The following PATL1 variants were observed in gnomAD, a reference collection of about 807,000 sequenced individuals.
The protein encoded by PATL1 is protein PAT1 homolog 1.
Under a neutral mutation model 100.6 loss-of-function variants are expected in PATL1, and 32 were observed. The observed-to-expected ratio is 0.32, with a 90% CI of 0.24 to 0.43. The LOEUF (loss-of-function observed/expected upper bound fraction) is 0.43. Ranked by LOEUF, PATL1 falls within the 20% of genes least tolerant of loss-of-function variation. The pLI, the probability that PATL1 is intolerant of heterozygous loss-of-function variation, is 1.00. For synonymous variants in PATL1, 332 were observed against 330.0 expected (o/e 1.01, Z -0.07); for missense variants, 747 against 949.9 (o/e 0.79, Z 2.81).
chr11:59,668,193 G>C (rs1042654376), intron 1 of PATL1, among the ~76,000 whole-genome samples: 1 of 152,324 alleles, frequency 6.6e-6, no homozygotes, highest in African/African-American at 2.4e-5. Flanking sequence ...AATTCAGAAA[G>C]TTTACGTCCA....
At chr11:59,666,496 T>C (rs1012969784) in intron 2 of PATL1, among the ~76,000 whole-genome samples, 3 of 152,228 alleles carry the variant, frequency 2.0e-5, no homozygotes, top group African/African-American at 7.2e-5. Flanking sequence ...CCATAAGTTA[T>C]ATGTTATACA....
chr11:59,648,684 CTT>C (rs1861398925), intron 14 of PATL1, among the ~76,000 whole-genome samples: 2 of 152,112 alleles, frequency 1.3e-5, no homozygotes, highest in Admixed American at 1.3e-4. Context: ...CACTCAACAA[CTT>C]ATTTCCATGT....
intron 16 of PATL1, among the ~76,000 whole-genome samples, chr11:59,640,983 C>A (rs567322762): frequency 6.6e-6 from 1 of 151,856 alleles, no homozygotes; most frequent in South Asian, 2.1e-4. Flanking sequence ...ACCAGCCTGG[C>A]CAACATGGCA....
chr11:59,657,593 A>T lies in PATL1; in HGVS notation c.558T>A (p.Pro186=). 6.2e-7 allele frequency: 1 copy of T among 1,612,574 alleles called. No individual in the cohort carries two copies. ...RSTSPIIGSP[P]VRAVPIGTPP... ...GGGTGCCTATGGGGACAGCTCTAAC[A>T]GGAGGACTGCCAATGATAGGTGAAG... Residue 186 remains proline, a synonymous_variant, in exon 5 of 19, where the codon CCT becomes CCA. Coordinates refer to ENST00000300146, the MANE Select transcript of PATL1 (RefSeq NM_152716.3).
chr11:59,648,185 C>CTTTT (rs887689437), intron 14 of PATL1, among the ~76,000 whole-genome samples: 3 of 130,458 alleles, frequency 2.3e-5, no homozygotes, highest in African/African-American at 8.7e-5. Context: ...AACTTTTTTT[C>CTTTT]TTTTTTTTTT....
intron 15 of PATL1, among the ~76,000 whole-genome samples, chr11:59,646,896 C>T (rs1385094975): frequency 6.6e-6 from 1 of 151,952 alleles, no homozygotes; most frequent in Non-Finnish European, 1.5e-5. Flanking sequence ...AAATTCCAGC[C>T]TAGTCTAGAT....
At chr11:59,642,744 AC>A (rs1861304176) in intron 16 of PATL1, 135 bp downstream of exon 16, 1 of 904,804 alleles carries the variant, frequency 1.1e-6, no homozygotes, top group Admixed American at 2.7e-5. Flanking sequence ...CTAGCCGGTT[AC>A]TAGGAGCTTA....
chr11:59,662,542 T>C (rs1861640147), intron 2 of PATL1, among the ~76,000 whole-genome samples: 1 of 152,192 alleles, frequency 6.6e-6, no homozygotes, highest in African/African-American at 2.4e-5. Flanking sequence ...AGAAAATATT[T>C]AAAGAATAAT....
rs117447261 is a variant in PATL1, at chr11:59,660,556, A to G, written c.128-1087T>C. Among the ~76,000 whole-genome samples the G allele has an allele frequency of 3.3e-3, 502 of 152,322 alleles. 2 individuals carry two copies. Among genetic ancestry groups the G allele is most frequent in the Non-Finnish European group, 4.4e-3 (300 of 68,034 alleles). ...TCTGGGAGAAGAGGGTTCCAGGCAG[A>G]GGGACAGTCAGTATAAAGAAAGGCC... is the stretch of plus-strand genomic sequence containing the variant. On this transcript the variant is annotated intron_variant, in intron 2 of 18. Transcript: ENST00000300146.
chr11:59,651,231 C>T (rs1421782933), intron 12 of PATL1, among the ~76,000 whole-genome samples: 1 of 152,136 alleles, frequency 6.6e-6, no homozygotes, highest in Non-Finnish European at 1.5e-5. Flanking sequence ...CTTTCTGATC[C>T]TCTTCCTGAA....
chr11:59,658,817 A>C (rs1861582431), intron 4 of PATL1, 49 bp downstream of exon 4: 1 of 1,436,078 alleles, frequency 7.0e-7, no homozygotes, highest in Non-Finnish European at 9.5e-7. Context: ...ACAGGAACTT[A>C]AAATTTTTGG....
intron 15 of PATL1, 109 bp downstream of exon 15, chr11:59,647,645 G>A: frequency 8.4e-7 from 1 of 1,195,308 alleles, no homozygotes; most frequent in South Asian, 1.4e-5. Context: ...CACAGCCAAA[G>A]ATTAGACAAA....
At chr11:59,660,451 G>A (rs954302612) in intron 2 of PATL1, among the ~76,000 whole-genome samples, 2 of 152,216 alleles carry the variant, frequency 1.3e-5, no homozygotes, top group African/African-American at 4.8e-5. Flanking sequence ...AATTTAAATA[G>A]ATGGTCAGAG....
intron 2 of PATL1, among the ~76,000 whole-genome samples, chr11:59,661,977 C>A (rs1008448784): frequency 6.6e-6 from 1 of 152,308 alleles, no homozygotes; most frequent in Admixed American, 6.5e-5. Flanking sequence ...TAACATCATA[C>A]ATATCTTAGC....
At chr11:59,642,838 A>G in intron 16 of PATL1, 42 bp downstream of exon 16, 4 of 1,565,678 alleles carry the variant, frequency 2.6e-6, no homozygotes, top group Non-Finnish European at 2.6e-6. Flanking sequence ...ACGCAAATTA[A>G]GACATTTCAC....
At chr11:59,657,355 G>T (rs1861550926) in intron 5 of PATL1, among the ~76,000 whole-genome samples, 175 bp downstream of exon 5, 1 of 152,156 alleles carries the variant, frequency 6.6e-6, no homozygotes, top group African/African-American at 2.4e-5. Context: ...CAGCAGCAAA[G>T]GGTATCAGGG....
chr11:59,660,492 C>G (rs965000907), intron 2 of PATL1, among the ~76,000 whole-genome samples: 2 of 152,074 alleles, frequency 1.3e-5, no homozygotes, highest in African/African-American at 4.8e-5. Context: ...GACATTTGAG[C>G]AAAGATTCTA....
intron 7 of PATL1, 59 bp downstream of exon 7, chr11:59,655,897 C>G: frequency 7.1e-7 from 1 of 1,416,004 alleles, no homozygotes; most frequent in Non-Finnish European, 9.8e-7. Context: ...GGGCTATTAT[C>G]TAATGAACTT....
Position 59,667,034 on chromosome 11 carries a change from G to A in PATL1, c.16-70C>T, listed in dbSNP as rs931915164. 8.7e-6 allele frequency: 13 copies of A among 1,490,896 alleles called. No homozygotes were observed. In the African/African-American group the frequency reaches 1.6e-4, roughly 18 times the overall value. The allele number at this position is 1,490,896 out of a possible 1,614,324, so 92.4% of individuals were successfully genotyped here. On this transcript the variant is annotated intron_variant, in intron 1 of 18. Coordinates refer to ENST00000300146, the MANE Select transcript of PATL1 (RefSeq NM_152716.3). ...CTCATTTTAAAAATGTTCTAAAAAT[G>A]TTCATCTTACCTTCTCAATGAACAT...
Sources: gnomAD v4.1 joint callset for allele counts (sites outside exome capture counted in the v4.1 genomes callset) on GRCh38, gnomAD v4.1.1 for gene constraint, MANE v1.5 for transcripts, NCBI Gene and HGNC (gene_info 2026-07-23, HGNC 2026-07-21) for gene names.